COLGALT2: variants seen among roughly 807,000 people sequenced by gnomAD.
COLGALT2 encodes the protein procollagen galactosyltransferase 2.
Under a neutral mutation model 73.4 loss-of-function variants are expected in COLGALT2, and 49 were observed. That is an observed-to-expected ratio of 0.67 (90% CI 0.53 to 0.85). The LOEUF (loss-of-function observed/expected upper bound fraction) is 0.85, where lower values mean the gene tolerates loss of function less well. COLGALT2 is among the 40% of genes least tolerant of loss of function. COLGALT2 has a pLI of 0.00. For synonymous variants in COLGALT2, 295 were observed against 307.6 expected, an observed-to-expected ratio of 0.96 and a Z score of 0.43; for missense variants, 722 against 790.2, an observed-to-expected ratio of 0.91 and a Z score of 1.03.
At chr1:183,953,459 T>C (rs1670467500) in intron 7 of COLGALT2, among the ~76,000 whole-genome samples, 1 of 152,134 alleles carries the variant, frequency 6.6e-6, no homozygotes, top group African/African-American at 2.4e-5. Context: ...TTTTGTCTTA[T>C]TTTATTTGCT....
chr1:184,007,676 G>T (rs1407544697), intron 1 of COLGALT2, among the ~76,000 whole-genome samples: 1 of 152,156 alleles, frequency 6.6e-6, no homozygotes, highest in Non-Finnish European at 1.5e-5. Flanking sequence ...GACTGCAGCT[G>T]CTCCAAGAAC....
chr1:183,969,899 G>C (rs1195818455), intron 4 of COLGALT2, among the ~76,000 whole-genome samples: 3 of 152,076 alleles, frequency 2.0e-5, no homozygotes, highest in Non-Finnish European at 4.4e-5. Flanking sequence ...ACCTTGCTGC[G>C]CTTATTTCCT....
intron 1 of COLGALT2, among the ~76,000 whole-genome samples, chr1:184,032,801 T>C (rs1005620651): frequency 6.6e-6 from 1 of 152,248 alleles, no homozygotes; most frequent in African/African-American, 2.4e-5. Flanking sequence ...GAACAGTTTA[T>C]AAACACAAAG....
rs1007976388 is a variant in COLGALT2, at chr1:184,037,303, C to T, written c.55G>A (p.Ala19Thr). 1.3e-6 allele frequency: 2 copies of T among 1,535,910 alleles called. No individual in the cohort carries two copies. Among genetic ancestry groups the T allele is most frequent in the Non-Finnish European group, 1.8e-6 (2 of 1,142,768 alleles). Residue 19 changes from alanine to threonine, a missense_variant, in exon 1 of 12, where the codon GCC (alanine) becomes ACC (threonine). Transcript: ENST00000361927. ...LAWSLLLLSS[A>T]LLREGCRARF... ...GCTCGGCAGCCTTCGCGGAGCAGGG[C>T]TGAGGAGAGGAGCAGTAGCGACCAG...
At position 183,978,446 on chromosome 1, in the gene COLGALT2, T is replaced by G. The variant is rs752530413; in HGVS notation, c.338A>C (p.Tyr113Ser). ...CATAGGCCTCCACTCCACATAGTGATAGAGTCTCTGTACATTTTTCAACCA... is the reference window on the plus strand; with the variant it reads ...CATAGGCCTCCACTCCACATAGTGAGAGAGTCTCTGTACATTTTTCAACCA... ...REWLKNVQRL[Y>S]HYVEWRPMDE... Residue 113 changes from tyrosine to serine, a missense_variant, in exon 2 of 12, where the codon TAT becomes TCT. By Grantham distance (144) the Tyr-to-Ser change is moderately radical (BLOSUM62 -2). Coordinates refer to ENST00000361927, the MANE Select transcript of COLGALT2 (RefSeq NM_015101.4). The G allele has an allele frequency of 1.2e-6, 2 of 1,612,172 alleles. No homozygotes were observed. The highest frequency in any genetic ancestry group is 8.5e-7 in the Non-Finnish European group (1 of 1,178,428).
intron 8 of COLGALT2, among the ~76,000 whole-genome samples, chr1:183,950,174 C>T (rs148071556): frequency 2.6e-3 from 397 of 152,248 alleles, no homozygotes; most frequent in African/African-American, 9.2e-3. Context: ...CTGGGTCCAG[C>T]CTCAGAGAGC....
intron 1 of COLGALT2, among the ~76,000 whole-genome samples, chr1:184,013,550 A>C (rs1479149806): frequency 6.6e-6 from 1 of 152,220 alleles, no homozygotes; most frequent in African/African-American, 2.4e-5. Context: ...ACATGATTGC[A>C]GCATGAGGGA....
intron 1 of COLGALT2, among the ~76,000 whole-genome samples, chr1:184,001,416 CTGTCTATCCCTCAATCT>C (rs1447264416): frequency 2.6e-5 from 4 of 152,110 alleles, no homozygotes; most frequent in Middle Eastern, 3.2e-3. Context: ...TGTCCAAGTA[CTGTCTATCCCTCAATCT>C]TTTAAAAATA....
chr1:183,975,751 G>A (rs191511025), intron 2 of COLGALT2, among the ~76,000 whole-genome samples: 2 of 152,314 alleles, frequency 1.3e-5, no homozygotes, highest in Admixed American at 6.5e-5. Context: ...GTGAGGTCGT[G>A]GGATCTCTAT....
intron 4 of COLGALT2, among the ~76,000 whole-genome samples, chr1:183,971,587 A>C (rs1347839025): frequency 6.6e-6 from 1 of 152,232 alleles, no homozygotes. Flanking sequence ...CTCCCAAGGA[A>C]GTGAATGGCT....
intron 1 of COLGALT2, among the ~76,000 whole-genome samples, chr1:183,986,902 C>T (rs899216731): frequency 1.3e-5 from 2 of 152,098 alleles, no homozygotes; most frequent in African/African-American, 2.4e-5. Flanking sequence ...ACCCACCCTC[C>T]CACTCCAGGC....
At chr1:183,951,573 T>C (rs61631053) in intron 7 of COLGALT2, among the ~76,000 whole-genome samples, 7 of 151,722 alleles carry the variant, frequency 4.6e-5, no homozygotes, top group Non-Finnish European at 8.8e-5. Context: ...GAAAAAGAAA[T>C]AGAAAAAGCA....
intron 2 of COLGALT2, among the ~76,000 whole-genome samples, chr1:183,977,812 A>AGAGAGAGAGAGAGAGAGAGAGAG (rs1553317022): frequency 2.5e-4 from 13 of 52,418 alleles, no homozygotes; most frequent in African/African-American, 3.8e-4. Flanking sequence ...GAAAGAGAGA[A>AGAGAGAGAGAGAGAGAGAGAGAG]AGAGAGAGAG....
chr1:183,948,557 A>G (rs1250700791), intron 8 of COLGALT2, among the ~76,000 whole-genome samples: 1 of 152,176 alleles, frequency 6.6e-6, no homozygotes, highest in Non-Finnish European at 1.5e-5. Context: ...AAATAGGACT[A>G]AAAGGGACCT....
At chr1:183,942,124 A>G (rs927654022) in intron 10 of COLGALT2, among the ~76,000 whole-genome samples, 1 of 151,784 alleles carries the variant, frequency 6.6e-6, no homozygotes, top group Non-Finnish European at 1.5e-5. Context: ...AATTTTTTGT[A>G]TTTTTACTAG....
chr1:183,957,011 C>T (rs960469783), intron 6 of COLGALT2, among the ~76,000 whole-genome samples: 4 of 152,112 alleles, frequency 2.6e-5, no homozygotes, highest in African/African-American at 9.7e-5. Flanking sequence ...CATTAAATCC[C>T]TTCCTGGAAA....
At chr1:183,945,718 A>G in intron 8 of COLGALT2, 154 bp from the exon 9 acceptor site, 1 of 808,942 alleles carries the variant, frequency 1.2e-6, no homozygotes, top group Non-Finnish European at 1.9e-6. Flanking sequence ...CTCCAGGCTA[A>G]TGTGTCACAC....
intron 7 of COLGALT2, among the ~76,000 whole-genome samples, chr1:183,953,453 G>C (rs1471320476): frequency 6.6e-6 from 1 of 152,134 alleles, no homozygotes; most frequent in Non-Finnish European, 1.5e-5. Context: ...TCCTGGTTTT[G>C]TCTTATTTTA....
intron 1 of COLGALT2, among the ~76,000 whole-genome samples, chr1:184,007,952 A>G (rs1355519954): frequency 6.6e-6 from 1 of 152,236 alleles, no homozygotes; most frequent in African/African-American, 2.4e-5. Flanking sequence ...CACGCTTGGC[A>G]CTGGACATGA....
Sources: allele counts gnomAD v4.1 joint callset (sites outside exome capture counted in the v4.1 genomes callset), GRCh38; gene constraint gnomAD v4.1.1; transcripts MANE v1.5; gene names NCBI Gene and HGNC (gene_info 2026-07-23, HGNC 2026-07-21).